Variants in NUMB observed in about 807,000 individuals in gnomAD.
NUMB encodes protein numb homolog.
NUMB carries 29 observed loss-of-function variants against 59.7 expected under a neutral mutation model. The observed-to-expected ratio is 0.49, with a 90% CI of 0.36 to 0.66. NUMB has a LOEUF of 0.66. Ranked by LOEUF, NUMB falls within the 30% of genes least tolerant of loss-of-function variation. The pLI is 0.00. For missense variants in NUMB, 723 were observed against 822.0 expected (o/e 0.88, Z 1.47); for synonymous variants, 288 against 288.2 (o/e 1.00, Z 0.01).
At chr14:73,328,707 T>A (rs967407459) in intron 4 of NUMB, among the ~76,000 whole-genome samples, 10 of 152,252 alleles carry the variant, frequency 6.6e-5, no homozygotes, top group African/African-American at 2.2e-4. Flanking sequence ...TTTTTATTTG[T>A]ATCCACATCT....
intron 2 of NUMB, among the ~76,000 whole-genome samples, chr14:73,370,483 G>A (rs1236600819): frequency 6.6e-6 from 1 of 152,100 alleles, no homozygotes; most frequent in Non-Finnish European, 1.5e-5. Context: ...CCTAAGGTCG[G>A]GAGTTCGAGA....
chr14:73,407,419 A>G (rs1896720963), intron 2 of NUMB, among the ~76,000 whole-genome samples: 1 of 152,156 alleles, frequency 6.6e-6, no homozygotes, highest in South Asian at 2.1e-4. Flanking sequence ...CTCCCTGGGC[A>G]ACAGAGCAAG....
chr14:73,451,084 G>A (rs1883902978), intron 1 of NUMB, among the ~76,000 whole-genome samples: 1 of 149,688 alleles, frequency 6.7e-6, no homozygotes, highest in Non-Finnish European at 1.5e-5. Flanking sequence ...AACCCAGGAG[G>A]CGGAGGTTGC....
intron 1 of NUMB, among the ~76,000 whole-genome samples, chr14:73,449,349 T>C (rs1233870153): frequency 6.6e-6 from 1 of 152,180 alleles, no homozygotes; most frequent in African/African-American, 2.4e-5. Context: ...GCATATAACC[T>C]GCACACATTC....
intron 6 of NUMB, among the ~76,000 whole-genome samples, chr14:73,307,796 G>A (rs1318814005): frequency 1.5e-5 from 2 of 135,074 alleles, no homozygotes; most frequent in East Asian, 2.3e-4. Flanking sequence ...ACAGTGGCAC[G>A]ATCTTGGCTC....
chr14:73,339,084 T>C (rs1594923200), intron 4 of NUMB, among the ~76,000 whole-genome samples: 1 of 152,252 alleles, frequency 6.6e-6, no homozygotes, highest in East Asian at 1.9e-4. Context: ...AAAAGTGTAC[T>C]ACTTTAGGTC....
chr14:73,295,510 A>T (rs749168535), intron 7 of NUMB, among the ~76,000 whole-genome samples: 5 of 152,234 alleles, frequency 3.3e-5, no homozygotes, highest in Non-Finnish European at 5.9e-5. Flanking sequence ...AATTAAAATG[A>T]TCACTGTTTC....
At chr14:73,353,069 CTTGTTT>C (rs1893519169) in intron 4 of NUMB, among the ~76,000 whole-genome samples, 2 of 18,084 alleles carry the variant, frequency 1.1e-4, no homozygotes, top group Non-Finnish European at 2.0e-4. Flanking sequence ...CACAGTTTTT[CTTGTTT>C]TTTTTTTTTT....
At chr14:73,423,966 CAAAA>C (rs34582645) in intron 1 of NUMB, among the ~76,000 whole-genome samples, 3 of 74,304 alleles carry the variant, frequency 4.0e-5, no homozygotes, top group East Asian at 9.4e-4. Flanking sequence ...ACCCTGTCTC[CAAAA>C]AAAAAAAAAA....
intron 2 of NUMB, among the ~76,000 whole-genome samples, chr14:73,406,133 TGTGCACAAC>T (rs1295617284): frequency 6.6e-6 from 1 of 151,472 alleles, no homozygotes; most frequent in East Asian, 1.9e-4. Flanking sequence ...CTAGGGTACA[TGTGCACAAC>T]GTGCAGGTTT....
At chr14:73,417,534 A>C (rs1326335179) in intron 1 of NUMB, among the ~76,000 whole-genome samples, 1 of 151,976 alleles carries the variant, frequency 6.6e-6, no homozygotes, top group Non-Finnish European at 1.5e-5. Context: ...CCTGGGTGAC[A>C]AAGTGAGACC....
chr14:73,292,899 AGAG>A (rs777571872), intron 7 of NUMB, 25 bp from the exon 8 acceptor site: 79 of 1,612,876 alleles, frequency 4.9e-5, no homozygotes, highest in Non-Finnish European at 6.4e-5. Context: ...ACACAAAGAA[AGAG>A]AAGACTTATG....
rs1260783502 is a variant in NUMB at position 73,387,771 on chromosome 14, C to A, written c.-100-20790G>T. On this transcript the variant is annotated intron_variant, in intron 2 of 12. Transcript: ENST00000555238. ...CAAAAACAAACAAACAAAAAAAAAA[C>A]CAAAAAGGCCACTAGTCATATGTAG... 6.8e-5 allele frequency among the ~76,000 whole-genome samples: 10 copies of A among 146,854 alleles called. No homozygotes were observed. In the South Asian group the frequency reaches 8.6e-4, roughly 13 times the overall value.
chr14:73,360,414 G>A (rs756230029), intron 3 of NUMB, among the ~76,000 whole-genome samples: 3 of 152,036 alleles, frequency 2.0e-5, no homozygotes, highest in South Asian at 2.1e-4. Flanking sequence ...AAAAATTAGC[G>A]AAGTGTGGTG....
intron 4 of NUMB, among the ~76,000 whole-genome samples, chr14:73,323,754 GT>G (rs1486838766): frequency 1.3e-5 from 2 of 152,168 alleles, no homozygotes; most frequent in Non-Finnish European, 2.9e-5. Context: ...TTTTATGAAG[GT>G]ATTACATCTG....
intron 1 of NUMB, 36 bp from the exon 2 acceptor site, chr14:73,410,104 A>C (rs561439648): frequency 9.8e-5 from 15 of 152,350 alleles, no homozygotes; most frequent in South Asian, 8.3e-4. Flanking sequence ...TTAAATATAC[A>C]TATCTCCTTT....
At chr14:73,294,182 C>T (rs1005376596) in intron 7 of NUMB, among the ~76,000 whole-genome samples, 10 of 152,144 alleles carry the variant, frequency 6.6e-5, no homozygotes. Context: ...AAACTCTTAT[C>T]TTTTGAACAG....
chr14:73,290,938 G>A (rs1171364415), intron 8 of NUMB, among the ~76,000 whole-genome samples: 1 of 152,124 alleles, frequency 6.6e-6, no homozygotes, highest in Non-Finnish European at 1.5e-5. Context: ...TCATTTAAAA[G>A]AGACTTGTCT....
intron 1 of NUMB, among the ~76,000 whole-genome samples, chr14:73,440,827 C>CAAAAAAAAA (rs397713746): frequency 4.2e-5 from 2 of 47,822 alleles, no homozygotes; most frequent in East Asian, 7.5e-4. Context: ...GACTCCGTCT[C>CAAAAAAAAA]AAAAAAAAAA....
Sources: allele counts gnomAD v4.1 joint callset (sites outside exome capture counted in the v4.1 genomes callset), GRCh38; gene constraint gnomAD v4.1.1; transcripts MANE v1.5; gene names NCBI Gene and HGNC (gene_info 2026-07-23, HGNC 2026-07-21).